The following SFMBT2 variants were observed in gnomAD, a reference collection of about 807,000 sequenced individuals.
SFMBT2 encodes Scm like with four mbt domains 2.
In SFMBT2, 38 loss-of-function variants were observed where a neutral mutation model predicts 110.1. That is an observed-to-expected ratio of 0.35 (90% CI 0.27 to 0.45). SFMBT2 has a LOEUF of 0.45. Ranked by LOEUF, SFMBT2 falls within the 20% of genes least tolerant of loss-of-function variation. The pLI is 1.00. For synonymous variants in SFMBT2, 425 were observed against 425.4 expected (o/e 1.00, Z 0.01); for missense variants, 1,011 against 1,094.9 (o/e 0.92, Z 1.08).
chr10:7,405,072 A>G (rs564693210), intron 1 of SFMBT2, among the ~76,000 whole-genome samples: 8 of 152,356 alleles, frequency 5.3e-5, no homozygotes, highest in African/African-American at 1.7e-4. Context: ...ATTGTCCCAG[A>G]AATTTTTAGT....
At chr10:7,202,938 A>AGAC (rs1839005211) in intron 12 of SFMBT2, 1 of 985,366 alleles carries the variant, frequency 1.0e-6, no homozygotes, top group Admixed American at 6.1e-5. Context: ...AGGTGCTGTC[A>AGAC]GAGGCATGCA....
At chr10:7,362,956 C>G (rs1360881790) in intron 4 of SFMBT2, among the ~76,000 whole-genome samples, 1 of 152,202 alleles carries the variant, frequency 6.6e-6, no homozygotes, top group Non-Finnish European at 1.5e-5. Context: ...AAAACTAGCA[C>G]CCAAACCCTC....
intron 16 of SFMBT2, among the ~76,000 whole-genome samples, chr10:7,177,869 AAGAAG>A (rs1160517649): frequency 1.9e-5 from 2 of 105,688 alleles, no homozygotes. Flanking sequence ...TAAAAAAAAA[AAGAAG>A]AAGAAGAAGA....
rs773552968 is a variant in SFMBT2, at chr10:7,164,791, A to ACACACACACC, written c.2545-882_2545-881insGGTGTGTGTG. ...CACACACACACACACACACACACAC[A>ACACACACACC]CCATTTACAGACACACACTCCCCAG... On this transcript the variant is annotated intron_variant, in intron 20 of 20. Coordinates refer to ENST00000397167, the MANE Select transcript of SFMBT2 (RefSeq NM_001387889.1). Among the ~76,000 whole-genome samples the ACACACACACC allele has an allele frequency of 7.9e-3, 870 of 110,580 alleles. 10 individuals are homozygous for ACACACACACC. The highest frequency in any genetic ancestry group is 0.025 in the African/African-American group (809 of 32,934). The allele number at this position is 110,580 out of a possible 152,430, so 72.5% of individuals were successfully genotyped here.
chr10:7,362,147 T>C (rs1390487822), intron 4 of SFMBT2, among the ~76,000 whole-genome samples: 2 of 152,230 alleles, frequency 1.3e-5, no homozygotes, highest in Non-Finnish European at 2.9e-5. Flanking sequence ...TGGGTGACGC[T>C]TTAATGTCAT....
rs113526566 is a variant in SFMBT2 at position 7,400,204 on chromosome 10, A to AG, written c.-52+10656dup. Among the ~76,000 whole-genome samples the AG allele has an allele frequency of 6.1e-3, 932 of 152,336 alleles. 11 individuals are homozygous for AG. Among genetic ancestry groups the AG allele is most frequent in the African/African-American group, 0.021 (880 of 41,572 alleles). Reference sequence around the variant, plus strand: ...AAGACCTAATCTCATCACTTGTACAAGGCCACTGAAGTTCACAGCGGTAGA... The same window carrying AG: ...AAGACCTAATCTCATCACTTGTACAAGGGCCACTGAAGTTCACAGCGGTAGA... On this transcript the variant is annotated intron_variant, in intron 1 of 20. Transcript: ENST00000397167.
chr10:7,188,829 C>A, intron 15 of SFMBT2, 96 bp from the exon 16 acceptor site: 1 of 948,146 alleles, frequency 1.1e-6, no homozygotes, highest in Non-Finnish European at 1.6e-6. Context: ...CATTTAGGAA[C>A]AGCTCGCCAC....
rs1349206896 is a variant in SFMBT2, at chr10:7,301,891, G to A, written c.437-15937C>T. On this transcript the variant is annotated intron_variant, in intron 4 of 20. Coordinates refer to ENST00000397167, the MANE Select transcript of SFMBT2 (RefSeq NM_001387889.1). This position sits in a 1 kb window ranked among gnomAD's most constrained non-coding sequence, Gnocchi z 4.2. Reference sequence around the variant, plus strand: ...TTTTTTAAAAAACCGTTTTGGGCTGGGAGACCTCAGGAGCTAATCCAGCAT... The same window carrying A: ...TTTTTTAAAAAACCGTTTTGGGCTGAGAGACCTCAGGAGCTAATCCAGCAT... Among the ~76,000 whole-genome samples the A allele has an allele frequency of 6.6e-6, 1 of 151,956 alleles. No homozygotes were observed. The highest frequency in any genetic ancestry group is 1.5e-5 in the Non-Finnish European group (1 of 67,996).
chr10:7,310,940 A>G (rs777016885), intron 4 of SFMBT2, among the ~76,000 whole-genome samples: 4 of 150,902 alleles, frequency 2.7e-5, no homozygotes, highest in Admixed American at 1.3e-4. Flanking sequence ...CCAGCTACTC[A>G]GGAGGCTGAG....
intron 16 of SFMBT2, among the ~76,000 whole-genome samples, chr10:7,181,191 A>G (rs1010923755): frequency 3.4e-5 from 5 of 148,932 alleles, no homozygotes; most frequent in African/African-American, 1.2e-4. Flanking sequence ...GTTAGCCGAG[A>G]TTGTGCCACT....
At chr10:7,243,530 A>G in intron 9 of SFMBT2, 28 bp downstream of exon 9, 1 of 870,322 alleles carries the variant, frequency 1.1e-6, no homozygotes, top group Non-Finnish European at 2.0e-6. Flanking sequence ...GAATCTCCAG[A>G]CCCTGCATAC....
At chr10:7,249,422 G>T (rs1008213682) in intron 7 of SFMBT2, 1 of 676,070 alleles carries the variant, frequency 1.5e-6, no homozygotes, top group Admixed American at 6.3e-5. Flanking sequence ...AATTTATCTT[G>T]CGGAGATGGA....
At position 7,164,400 on chromosome 10, in the gene SFMBT2, A is replaced by C. The variant is rs1192606752; in HGVS notation, c.2545-490T>G. On this transcript the variant is annotated intron_variant, in intron 20 of 20. Coordinates refer to ENST00000397167, the MANE Select transcript of SFMBT2 (RefSeq NM_001387889.1). ...GAGACTCTCTAAACAACAACAAAAA[A>C]CAACAATACAAATACAAGAGCTTTT... 4.1e-6 allele frequency: 4 copies of C among 984,352 alleles called. No homozygotes were observed. The African/African-American group carries it at 7.0e-5, about 17-fold the overall frequency. The allele number at this position is 984,352 out of a possible 1,614,324, so 61.0% of individuals were successfully genotyped here.
chr10:7,377,707 G>A (rs1319285078), intron 2 of SFMBT2, among the ~76,000 whole-genome samples: 3 of 152,130 alleles, frequency 2.0e-5, no homozygotes, highest in Non-Finnish European at 4.4e-5. Flanking sequence ...GACAGGAGGT[G>A]AAGCTCGGGC....
At chr10:7,272,592 C>T (rs1052327211) in intron 7 of SFMBT2, among the ~76,000 whole-genome samples, 1 of 152,170 alleles carries the variant, frequency 6.6e-6, no homozygotes, top group African/African-American at 2.4e-5. Context: ...GGGGCAGGAA[C>T]CAACACTGCA....
chr10:7,370,169 G>A lies in SFMBT2; in HGVS notation c.195+112C>T, dbSNP rs182448695. 4.9e-4 allele frequency: 462 copies of A among 942,958 alleles called. 2 individuals are homozygous for A. In the African/African-American group the frequency reaches 6.2e-3, roughly 13 times the overall value. 58.4% of individuals were successfully genotyped at this position (942,958 alleles called of 1,614,324 possible). A position where few individuals can be genotyped will look rare whatever the true frequency, so the allele number is the denominator to read the frequency against. On this transcript the variant is annotated intron_variant, in intron 3 of 20. Coordinates refer to ENST00000397167, the MANE Select transcript of SFMBT2 (RefSeq NM_001387889.1). ...GGTGTGAGCCACCATGCCTGGCCAC[G>A]AATTTCCCTCTTTCCTCTGCCCTTC...
chr10:7,336,889 A>G (rs1352195882), intron 4 of SFMBT2, among the ~76,000 whole-genome samples: 2 of 152,252 alleles, frequency 1.3e-5, no homozygotes, highest in African/African-American at 4.8e-5. Flanking sequence ...AAGTGCGTGA[A>G]GACAGAACAG....
intron 9 of SFMBT2, among the ~76,000 whole-genome samples, chr10:7,238,317 G>C (rs1840323475): frequency 6.6e-6 from 1 of 152,118 alleles, no homozygotes; most frequent in African/African-American, 2.4e-5. Flanking sequence ...GAGAAACAGA[G>C]GACTTAAGGA....
chr10:7,402,961 T>C (rs932360160), intron 1 of SFMBT2, among the ~76,000 whole-genome samples: 2 of 152,370 alleles, frequency 1.3e-5, no homozygotes, highest in East Asian at 3.8e-4. Flanking sequence ...AACATATTCT[T>C]ACCTACATTC....
Sources: allele counts gnomAD v4.1 joint callset (sites outside exome capture counted in the v4.1 genomes callset), GRCh38; gene constraint gnomAD v4.1.1; non-coding constraint Gnocchi (gnomAD v3.1); transcripts MANE v1.5; gene names NCBI Gene and HGNC (gene_info 2026-07-23, HGNC 2026-07-21).